The following CA10 variants were observed in gnomAD, a reference collection of about 807,000 sequenced individuals.
The protein encoded by CA10 is carbonic anhydrase 10 (inactive).
CA10 carries 14 observed loss-of-function variants against 44.2 expected under a neutral mutation model. The observed-to-expected ratio is 0.32, with a 90% confidence interval of 0.21 to 0.50. CA10 has a LOEUF of 0.50. Ranked by LOEUF, CA10 falls within the 20% of genes least tolerant of loss-of-function variation. The probability of loss-of-function intolerance (pLI) is 0.99; values close to 1 mark genes in which losing one functional copy is unlikely to be tolerated. For synonymous variants in CA10, 159 were observed against 141.6 expected, an observed-to-expected ratio of 1.12 and a Z score of -0.87; for missense variants, 350 against 409.7, an observed-to-expected ratio of 0.85 and a Z score of 1.26.
intron 4 of CA10, among the ~76,000 whole-genome samples, chr17:51,747,125 G>A (rs1002498906): frequency 6.6e-6 from 1 of 152,188 alleles, no homozygotes; most frequent in African/African-American, 2.4e-5. Context: ...CTGGGTTGAT[G>A]GTGGCACACA....
chr17:51,939,268 C>T (rs1002706428), intron 2 of CA10, among the ~76,000 whole-genome samples: 1 of 152,104 alleles, frequency 6.6e-6, no homozygotes, highest in Non-Finnish European at 1.5e-5. Context: ...AGAACTTCTA[C>T]AGTTTGAATG....
chr17:52,154,304 A>G (rs1377109496), intron 1 of CA10, among the ~76,000 whole-genome samples: 1 of 152,178 alleles, frequency 6.6e-6, no homozygotes, highest in Non-Finnish European at 1.5e-5. Flanking sequence ...TGGTTGCTAT[A>G]TCTATAAGAT....
intron 4 of CA10, among the ~76,000 whole-genome samples, chr17:51,707,378 A>T (rs1915792935): frequency 2.0e-5 from 3 of 152,238 alleles, no homozygotes; most frequent in South Asian, 4.1e-4. Flanking sequence ...ACTGTGACAC[A>T]TACTTTTAAA....
intron 3 of CA10, among the ~76,000 whole-genome samples, chr17:51,895,827 G>A (rs1037764844): frequency 3.3e-5 from 5 of 151,850 alleles, no homozygotes; most frequent in South Asian, 2.1e-4. Flanking sequence ...TTCTGATTTC[G>A]GCAAGTTTAA....
intron 4 of CA10, among the ~76,000 whole-genome samples, chr17:51,692,864 TGGTTTTGAGC>T (rs1915265263): frequency 6.6e-6 from 1 of 152,240 alleles, no homozygotes; most frequent in Admixed American, 6.5e-5. Flanking sequence ...TGGCTTTGAC[TGGTTTTGAGC>T]AGCCATCACT....
intron 4 of CA10, among the ~76,000 whole-genome samples, chr17:51,654,982 GTTAC>G (rs879424268): frequency 4.0e-5 from 6 of 151,854 alleles, no homozygotes; most frequent in Admixed American, 2.0e-4. Flanking sequence ...CATCCTTGTG[GTTAC>G]TTGTTTTGTG....
chr17:51,707,410 T>C (rs1263969), intron 4 of CA10, among the ~76,000 whole-genome samples: 51,226 of 152,044 alleles, frequency 0.34, 9,286 homozygotes, highest in Admixed American at 0.42. Context: ...AGTCAGAATC[T>C]GATAAGGTAT....
intron 2 of CA10, among the ~76,000 whole-genome samples, chr17:52,038,714 G>C (rs1484945786): frequency 1.3e-5 from 2 of 152,142 alleles, no homozygotes; most frequent in Admixed American, 6.5e-5. Context: ...TGCAAAACTG[G>C]AACAACTCTC....
At chr17:51,723,202 A>T (rs1916406315) in intron 4 of CA10, among the ~76,000 whole-genome samples, 2 of 152,218 alleles carry the variant, frequency 1.3e-5, no homozygotes, top group African/African-American at 4.8e-5. Flanking sequence ...GGGATGAGTC[A>T]ATCCTGGGCA....
rs568537987 is a variant in CA10, at chr17:51,631,486, G to A, written c.*98C>T. On this transcript the variant is annotated 3_prime_UTR_variant, in exon 9 of 9. Coordinates refer to ENST00000451037, the MANE Select transcript of CA10 (RefSeq NM_020178.5). The stretch of plus-strand genomic sequence containing the variant: ...TCCCAAGAATGAATGAGGCTTGGGG[G>A]AAAGAAGGAGAGAGAAGCAAGAAGG... 3 of 1,132,458 alleles carry A rather than the reference G, an allele frequency of 2.6e-6. No homozygotes were observed. Among genetic ancestry groups the A allele is most frequent in the Non-Finnish European group, 4.0e-6 (3 of 746,904 alleles). 70.2% of individuals were successfully genotyped at this position (1,132,458 alleles called of 1,614,324 possible).
chr17:52,047,375 C>T (rs1209820900), intron 2 of CA10, among the ~76,000 whole-genome samples: 1 of 151,918 alleles, frequency 6.6e-6, no homozygotes, highest in African/African-American at 2.4e-5. Flanking sequence ...GCTTTTACAG[C>T]ACTGTATACA....
intron 2 of CA10, among the ~76,000 whole-genome samples, chr17:51,977,834 T>G (rs1018016383): frequency 6.6e-6 from 1 of 152,116 alleles, no homozygotes; most frequent in Admixed American, 6.6e-5. Flanking sequence ...AATTCACTAA[T>G]ACTGCAGAAT....
intron 3 of CA10, among the ~76,000 whole-genome samples, chr17:51,816,572 C>G (rs796900364): frequency 6.6e-6 from 1 of 152,082 alleles, no homozygotes; most frequent in South Asian, 2.1e-4. Flanking sequence ...AATGTAAGCA[C>G]CAACTATTGT....
chr17:52,004,288 T>G (rs999450838), intron 2 of CA10, among the ~76,000 whole-genome samples: 2 of 151,960 alleles, frequency 1.3e-5, no homozygotes, highest in African/African-American at 4.8e-5. Context: ...TATACACACA[T>G]GCATATGAAA....
At chr17:51,699,972 A>G (rs1364927847) in intron 4 of CA10, among the ~76,000 whole-genome samples, 1 of 151,926 alleles carries the variant, frequency 6.6e-6, no homozygotes, top group Non-Finnish European at 1.5e-5. Flanking sequence ...GATTCTTGCA[A>G]CATCCCCATG....
intron 4 of CA10, among the ~76,000 whole-genome samples, chr17:51,698,243 C>CCCTCA (rs1372464077): frequency 6.6e-6 from 1 of 152,214 alleles, no homozygotes; most frequent in Non-Finnish European, 1.5e-5. Context: ...ATGCTCTGCT[C>CCCTCA]CCTCACCTTC....
intron 2 of CA10, among the ~76,000 whole-genome samples, chr17:51,944,991 G>T (rs904648647): frequency 6.6e-6 from 1 of 152,092 alleles, no homozygotes; most frequent in African/African-American, 2.4e-5. Context: ...GTAGACCCAG[G>T]AATAACATGC....
intron 4 of CA10, among the ~76,000 whole-genome samples, chr17:51,672,647 C>T (rs1383258371): frequency 6.6e-6 from 1 of 152,170 alleles, no homozygotes; most frequent in Non-Finnish European, 1.5e-5. Flanking sequence ...GATCCTGGCT[C>T]TTAACCAGAA....
intron 3 of CA10, among the ~76,000 whole-genome samples, chr17:51,820,430 T>G (rs912816373): frequency 2.1e-5 from 2 of 95,278 alleles, no homozygotes; most frequent in South Asian, 7.6e-4. Context: ...CCCGCCGATT[T>G]TCCTGTACAA....
Sources: gnomAD v4.1 joint callset for allele counts (sites outside exome capture counted in the v4.1 genomes callset) on GRCh38, gnomAD v4.1.1 for gene constraint, MANE v1.5 for transcripts, NCBI Gene and HGNC (gene_info 2026-07-23, HGNC 2026-07-21) for gene names.